ROR1: variants seen among roughly 807,000 people sequenced by gnomAD.
ROR1 encodes the protein inactive tyrosine-protein kinase transmembrane receptor ROR1.
Under a neutral mutation model 78.8 loss-of-function variants are expected in ROR1, and 19 were observed. The observed-to-expected ratio is 0.24, with a 90% CI of 0.17 to 0.35. The LOEUF (loss-of-function observed/expected upper bound fraction) is 0.35, where lower values mean the gene tolerates loss of function less well. ROR1 is among the 10% of genes least tolerant of loss of function. The probability of loss-of-function intolerance (pLI) is 1.00; values close to 1 mark genes in which losing one functional copy is unlikely to be tolerated. For synonymous variants in ROR1, 386 were observed against 433.6 expected (o/e 0.89, Z 1.36); for missense variants, 917 against 1,177.8 (o/e 0.78, Z 3.24).
chr1:63,774,535 C>G lies in ROR1; in HGVS notation c.91+27C>G. On this transcript the variant is annotated intron_variant, in intron 1 of 8. Transcript: ENST00000371079. The surrounding 1 kb of genome is among the most constrained non-coding windows in gnomAD (Gnocchi z 5.7). ...TAAGAGGCGCCCGCCGGCCCCCGCC[C>G]GCCCAGACCCCCTGACCCGTGGCCA... The G allele has an allele frequency of 9.4e-7, 1 of 1,065,602 alleles. No homozygotes were observed. Among genetic ancestry groups the G allele is most frequent in the Non-Finnish European group, 1.1e-6 (1 of 879,506 alleles). The allele number at this position is 1,065,602 out of a possible 1,614,324, so 66.0% of individuals were successfully genotyped here.
At chr1:63,922,764 A>G (rs1234502209) in intron 1 of ROR1, among the ~76,000 whole-genome samples, 1 of 152,102 alleles carries the variant, frequency 6.6e-6, no homozygotes, top group South Asian at 2.1e-4. Context: ...CATATTTTAG[A>G]GAAGAGGAAA....
intron 1 of ROR1, among the ~76,000 whole-genome samples, chr1:63,782,802 G>A (rs1013638777): frequency 6.6e-6 from 1 of 152,128 alleles, no homozygotes; most frequent in African/African-American, 2.4e-5. Context: ...GAAGAATGAA[G>A]GGTGGCCTTT....
At chr1:64,156,355 A>C (rs1433029530) in intron 7 of ROR1, among the ~76,000 whole-genome samples, 1 of 152,220 alleles carries the variant, frequency 6.6e-6, no homozygotes. Flanking sequence ...ATGTAGACAC[A>C]ATCATTACTG....
At chr1:64,151,627 C>T (rs1282869832) in intron 7 of ROR1, among the ~76,000 whole-genome samples, 1 of 151,652 alleles carries the variant, frequency 6.6e-6, no homozygotes, top group African/African-American at 2.4e-5. Context: ...AATCCTAGCA[C>T]TTTGGGAGGC....
intron 2 of ROR1, among the ~76,000 whole-genome samples, chr1:64,036,857 A>T (rs1023926613): frequency 1.2e-4 from 19 of 152,216 alleles, no homozygotes; most frequent in Admixed American, 1.2e-3. Context: ...TTGCAGTCAG[A>T]TGGTGGCTGG....
intron 1 of ROR1, among the ~76,000 whole-genome samples, chr1:64,002,076 T>C (rs183182997): frequency 1.4e-3 from 210 of 152,044 alleles, no homozygotes; most frequent in Middle Eastern, 0.01. Context: ...TGTGGTCATG[T>C]ACTCCTCTCC....
At chr1:63,975,705 G>A (rs12145200) in intron 1 of ROR1, among the ~76,000 whole-genome samples, 43,114 of 152,070 alleles carry the variant, frequency 0.28, 7,681 homozygotes, top group Non-Finnish European at 0.39. Context: ...TTGAGCTCCC[G>A]TGATCCTGTC....
chr1:63,965,035 G>T (rs1242855396), intron 1 of ROR1, among the ~76,000 whole-genome samples: 1 of 152,164 alleles, frequency 6.6e-6, no homozygotes. Flanking sequence ...TAAAAAGAAA[G>T]TTCTAGTATT....
chr1:64,057,287 C>T (rs1477469580), intron 4 of ROR1, among the ~76,000 whole-genome samples: 1 of 152,128 alleles, frequency 6.6e-6, no homozygotes, highest in Non-Finnish European at 1.5e-5. Flanking sequence ...ATTGTCTTGG[C>T]ACTCTGTTAA....
At chr1:64,163,955 T>C (rs1650015934) in intron 8 of ROR1, among the ~76,000 whole-genome samples, 1 of 152,214 alleles carries the variant, frequency 6.6e-6, no homozygotes, top group Admixed American at 6.5e-5. Flanking sequence ...AGTGATGTTA[T>C]TTAATCCAGT....
At chr1:63,865,851 A>C (rs992691149) in intron 1 of ROR1, among the ~76,000 whole-genome samples, 1 of 152,186 alleles carries the variant, frequency 6.6e-6, no homozygotes, top group Non-Finnish European at 1.5e-5. Flanking sequence ...ACAAGGAGGA[A>C]ATTGTTGAAC....
At chr1:63,846,037 A>T (rs1337208032) in intron 1 of ROR1, among the ~76,000 whole-genome samples, 2 of 152,050 alleles carry the variant, frequency 1.3e-5, no homozygotes, top group Non-Finnish European at 2.9e-5. Flanking sequence ...GCTCTACAAT[A>T]TTCCTTGAAG....
intron 4 of ROR1, among the ~76,000 whole-genome samples, chr1:64,100,807 GTCC>G (rs897216670): frequency 1.3e-5 from 2 of 152,162 alleles, no homozygotes; most frequent in African/African-American, 4.8e-5. Context: ...TCAAGAGTTA[GTCC>G]TCATTCTAAA....
chr1:64,013,563 C>T (rs1001657231), intron 2 of ROR1, among the ~76,000 whole-genome samples: 1 of 152,146 alleles, frequency 6.6e-6, no homozygotes, highest in East Asian at 1.9e-4. Flanking sequence ...CTTAAGCACA[C>T]CTTGAACATT....
intron 7 of ROR1, among the ~76,000 whole-genome samples, chr1:64,144,275 C>T (rs867899735): frequency 1.6e-4 from 24 of 152,240 alleles, no homozygotes; most frequent in Admixed American, 2.6e-4. Flanking sequence ...TTTGAGATGC[C>T]TTTTAGAAAT....
intron 1 of ROR1, among the ~76,000 whole-genome samples, chr1:63,875,062 A>G (rs1319151989): frequency 6.6e-6 from 1 of 152,166 alleles, no homozygotes; most frequent in Non-Finnish European, 1.5e-5. Flanking sequence ...AATGGCATAG[A>G]GAACAGCCTG....
intron 1 of ROR1, among the ~76,000 whole-genome samples, chr1:63,877,913 C>G (rs758591715): frequency 3.9e-5 from 6 of 152,084 alleles, no homozygotes; most frequent in African/African-American, 1.4e-4. Context: ...TGTTAATGTG[C>G]GCAGGTGAGG....
At chr1:63,874,919 G>A (rs1645274943) in intron 1 of ROR1, among the ~76,000 whole-genome samples, 1 of 152,004 alleles carries the variant, frequency 6.6e-6, no homozygotes, top group Non-Finnish European at 1.5e-5. Flanking sequence ...AAGTAGACCA[G>A]GTATAATCTG....
At chr1:63,937,762 T>C (rs1044661887) in intron 1 of ROR1, among the ~76,000 whole-genome samples, 1 of 152,198 alleles carries the variant, frequency 6.6e-6, no homozygotes, top group Admixed American at 6.5e-5. Flanking sequence ...AGGAAGTTAA[T>C]ATTTCATTAG....
Sources: allele counts gnomAD v4.1 joint callset (sites outside exome capture counted in the v4.1 genomes callset), GRCh38; gene constraint gnomAD v4.1.1; non-coding constraint Gnocchi (gnomAD v3.1); transcripts MANE v1.5; gene names NCBI Gene and HGNC (gene_info 2026-07-23, HGNC 2026-07-21).